The following NRK variants were observed in gnomAD, a reference collection of about 807,000 sequenced individuals.
NRK encodes nik-related protein kinase.
NRK carries 67 observed loss-of-function variants against 125.2 expected under a neutral mutation model. The ratio of observed to expected loss-of-function variants is 0.54; its 90% confidence interval spans 0.44 to 0.66. The LOEUF is 0.66. NRK is among the 30% of genes least tolerant of loss of function. The pLI is 0.00. For synonymous variants in NRK, 458 were observed against 429.0 expected (o/e 1.07, Z -0.84); for missense variants, 1,224 against 1,192.9 (o/e 1.03, Z -0.38).
At chrX:105,926,565 T>G (rs1343102852) in intron 19 of NRK, among the ~76,000 whole-genome samples, 1 of 111,254 alleles carries the variant, frequency 9.0e-6, no homozygotes, top group Non-Finnish European at 1.9e-5. Flanking sequence ...TCCTATTCTT[T>G]TTTCCCAAAC....
chrX:105,931,303 G>A (rs1346199329), intron 19 of NRK, among the ~76,000 whole-genome samples: 4 of 111,950 alleles, frequency 3.6e-5, no homozygotes, highest in African/African-American at 1.3e-4. Flanking sequence ...AGAACATAGT[G>A]TATTTCAGCA....
chrX:105,939,799 A>G, intron 22 of NRK, 75 bp from the exon 23 acceptor site: 1 of 629,238 alleles, frequency 1.6e-6, no homozygotes, highest in Non-Finnish European at 2.3e-6. Flanking sequence ...AAGGCAAAAT[A>G]TCTTTACTTT....
rs567752167 is a variant in NRK, at chrX:105,838,034, C to G, written c.123+6915C>G. On this transcript the variant is annotated intron_variant, in intron 2 of 28. Coordinates refer to ENST00000243300, the MANE Select transcript of NRK (RefSeq NM_198465.4). Reference sequence around the variant, plus strand: ...TCAACAATAAAACAAATGTATTAGACTCTATAATCTCCAGGCTTTCTTCTG... The same window carrying G: ...TCAACAATAAAACAAATGTATTAGAGTCTATAATCTCCAGGCTTTCTTCTG... Among the ~76,000 whole-genome samples the G allele has an allele frequency of 3.6e-5, 4 of 110,672 alleles. No individual in the cohort carries two copies. The Admixed American group carries it at 3.9e-4, about 11-fold the overall frequency.
intron 1 of NRK, among the ~76,000 whole-genome samples, chrX:105,826,038 GTCTCTC>G (rs200199183): frequency 1.1e-5 from 1 of 93,487 alleles, no homozygotes; most frequent in Non-Finnish European, 2.1e-5. Context: ...CTCTGTCTCC[GTCTCTC>G]TCTCTCTCTC....
At position 105,952,180 on chromosome X, in the gene NRK, ATTTTG is replaced by A. The variant is rs760451110; in HGVS notation, c.4514-851_4514-847del. On this transcript the variant is annotated intron_variant, in intron 27 of 28. Transcript: ENST00000243300. ...GTTAATATGAGAATGAAGATGCCTT[ATTTTG>A]TTGTTTCCTAGACTATTTTAATTTG... Among the ~76,000 whole-genome samples, 54 of 112,360 alleles carry A rather than the reference ATTTTG, an allele frequency of 4.8e-4. No individual in the cohort carries two copies. In the East Asian group the frequency reaches 0.013, roughly 26 times the overall value.
intron 2 of NRK, among the ~76,000 whole-genome samples, chrX:105,861,047 C>G (rs2039595946): frequency 9.0e-6 from 1 of 111,180 alleles, no homozygotes; most frequent in Admixed American, 9.6e-5. Flanking sequence ...TTTTGAGGAG[C>G]TGCAAGACTG....
At chrX:105,905,611 T>C (rs1347647433) in intron 10 of NRK, among the ~76,000 whole-genome samples, 1 of 112,766 alleles carries the variant, frequency 8.9e-6, no homozygotes, top group Non-Finnish European at 1.9e-5. Context: ...TCCCCAGTAA[T>C]GGGATGAACT....
At chrX:105,835,582 G>T (rs1019834660) in intron 2 of NRK, among the ~76,000 whole-genome samples, 1 of 107,807 alleles carries the variant, frequency 9.3e-6, no homozygotes, top group Non-Finnish European at 1.9e-5. Flanking sequence ...ACTTCTAATT[G>T]TTTGGGCCCA....
chrX:105,940,148 CA>C (rs2040719712), intron 23 of NRK, 116 bp downstream of exon 23: 1 of 523,987 alleles, frequency 1.9e-6, no homozygotes, highest in Non-Finnish European at 3.1e-6. Context: ...GTTTCAAATA[CA>C]GACGAGATCA....
intron 4 of NRK, among the ~76,000 whole-genome samples, chrX:105,887,534 A>G (rs1287528046): frequency 8.9e-6 from 1 of 112,248 alleles, no homozygotes; most frequent in African/African-American, 3.2e-5. Flanking sequence ...TCATCAAAAC[A>G]TTAAACATAG....
intron 21 of NRK, among the ~76,000 whole-genome samples, chrX:105,936,593 C>T (rs2040668518): frequency 9.0e-6 from 1 of 111,523 alleles, no homozygotes; most frequent in South Asian, 3.8e-4. Flanking sequence ...CAGGTATGCT[C>T]CAAGTGCAAG....
intron 21 of NRK, among the ~76,000 whole-genome samples, chrX:105,936,197 A>C (rs2040662848): frequency 9.0e-6 from 1 of 111,537 alleles, no homozygotes; most frequent in Non-Finnish European, 1.9e-5. Context: ...GTATGATTGA[A>C]CAAAGGACAG....
intron 27 of NRK, among the ~76,000 whole-genome samples, chrX:105,950,527 A>AGTGT (rs56383254): frequency 0.018 from 1,429 of 77,930 alleles, 28 homozygotes; most frequent in Admixed American, 0.065. Flanking sequence ...AAAAGGCAGC[A>AGTGT]GTGTGTGTGT....
At chrX:105,894,446 C>T (rs2040055213) in intron 6 of NRK, among the ~76,000 whole-genome samples, 2 of 111,591 alleles carry the variant, frequency 1.8e-5, no homozygotes, top group Admixed American at 1.9e-4. Flanking sequence ...TCTTGATGTA[C>T]CAAATTCCAT....
At chrX:105,934,474 C>T (rs2040635532) in intron 20 of NRK, 30 bp downstream of exon 20, 2 of 967,062 alleles carry the variant, frequency 2.1e-6, no homozygotes, top group Admixed American at 4.8e-5. Context: ...TCTCTAAATG[C>T]TACTATCTGT....
chrX:105,869,792 C>A (rs1438528531), intron 2 of NRK, among the ~76,000 whole-genome samples: 2 of 112,078 alleles, frequency 1.8e-5, no homozygotes, highest in Non-Finnish European at 3.8e-5. Flanking sequence ...CAGTGCTTTT[C>A]TTTCAACTAG....
chrX:105,936,976 C>T (rs60381208), intron 21 of NRK, among the ~76,000 whole-genome samples: 12,647 of 110,234 alleles, frequency 0.11, 1,807 homozygotes, highest in African/African-American at 0.4. Context: ...CTGAATTGAA[C>T]TCTTTGTATG....
chrX:105,847,640 TA>T (rs1396021709), intron 2 of NRK, among the ~76,000 whole-genome samples: 5 of 112,346 alleles, frequency 4.5e-5, no homozygotes, highest in Non-Finnish European at 9.4e-5. Flanking sequence ...TTTAAAAGAC[TA>T]ATCGCTTTGA....
intron 27 of NRK, among the ~76,000 whole-genome samples, chrX:105,951,998 C>G (rs1366881125): frequency 8.9e-6 from 1 of 112,420 alleles, no homozygotes; most frequent in Non-Finnish European, 1.9e-5. Flanking sequence ...ACTGATTTTC[C>G]TTATTTCCCT....
Sources: allele counts gnomAD v4.1 joint callset (sites outside exome capture counted in the v4.1 genomes callset), GRCh38; gene constraint gnomAD v4.1.1; transcripts MANE v1.5; gene names NCBI Gene and HGNC (gene_info 2026-07-23, HGNC 2026-07-21).